ZC3H18: variants seen among roughly 807,000 people sequenced by gnomAD.
ZC3H18 encodes the protein zinc finger CCCH domain-containing protein 18.
In ZC3H18, 8 loss-of-function variants were observed where a neutral mutation model predicts 106.1. That is an observed-to-expected ratio of 0.08 (90% CI 0.04 to 0.14). The LOEUF (loss-of-function observed/expected upper bound fraction) is 0.14. Ranked by LOEUF, ZC3H18 falls within the 10% of genes least tolerant of loss-of-function variation. The pLI is 1.00. For synonymous variants in ZC3H18, 635 were observed against 522.1 expected, an observed-to-expected ratio of 1.22 and a Z score of -2.95; for missense variants, 1,318 against 1,278.4, an observed-to-expected ratio of 1.03 and a Z score of -0.47.
At position 88,598,146 on chromosome 16, in the gene ZC3H18, G is replaced by A. The variant is rs754852885; in HGVS notation, c.689-32G>A. 5.7e-5 allele frequency: 89 copies of A among 1,550,462 alleles called. 1 individual carries two copies. The highest frequency in any genetic ancestry group is 7.4e-5 in the Non-Finnish European group (85 of 1,153,156). Reference sequence around the variant, plus strand: ...GCCCTTGTGCAATTAGGCTCTTGTGGACCCTTTCTGATCTCACTTTTGTTT... The same window carrying A: ...GCCCTTGTGCAATTAGGCTCTTGTGAACCCTTTCTGATCTCACTTTTGTTT... On this transcript the variant is annotated intron_variant, in intron 3 of 17. Coordinates refer to ENST00000301011, the MANE Select transcript of ZC3H18 (RefSeq NM_144604.4).
Position 88,627,405 on chromosome 16 carries a change from A to T in ZC3H18, c.2109-217A>T. The T allele has an allele frequency of 1.9e-6, 1 of 529,848 alleles. No homozygotes were observed. The highest frequency in any genetic ancestry group is 3.1e-5 in the South Asian group (1 of 32,768). 32.8% of individuals were successfully genotyped at this position (529,848 alleles called of 1,614,324 possible). ...GGCGTGAGCAGCCGTGCCTGGCTGCAACCTGACATTGATTAGTGAAATGGG... is the reference window on the plus strand; with the variant it reads ...GGCGTGAGCAGCCGTGCCTGGCTGCTACCTGACATTGATTAGTGAAATGGG... On this transcript the variant is annotated intron_variant, in intron 13 of 17. Coordinates refer to ENST00000301011, the MANE Select transcript of ZC3H18 (RefSeq NM_144604.4). The surrounding 1 kb of genome is among the most constrained non-coding windows in gnomAD (Gnocchi z 4.5).
chr16:88,584,068 GTTTA>G lies in ZC3H18; in HGVS notation c.604-2524_604-2521del, dbSNP rs937768262. Among the ~76,000 whole-genome samples, 8 of 152,262 alleles carry G rather than the reference GTTTA, an allele frequency of 5.3e-5. No homozygotes were observed. In the South Asian group the frequency reaches 1.0e-3, roughly 20 times the overall value. ...TTAATTATCCATTATTTAGTGATTT[GTTTA>G]TTTATTTTGGGAGGTTAAATATTTT... On this transcript the variant is annotated intron_variant, in intron 2 of 17. Transcript: ENST00000301011.
chr16:88,605,874 C>T (rs1904987426), intron 6 of ZC3H18, among the ~76,000 whole-genome samples: 1 of 152,244 alleles, frequency 6.6e-6, no homozygotes, highest in South Asian at 2.1e-4. Flanking sequence ...TCCAATGGTT[C>T]CCCTTAGCCA....
intron 3 of ZC3H18, among the ~76,000 whole-genome samples, chr16:88,592,778 G>T (rs774116751): frequency 1.3e-5 from 2 of 152,310 alleles, no homozygotes; most frequent in South Asian, 4.1e-4. Context: ...GCTGAGCCAG[G>T]CATTCACCAT....
chr16:88,581,013 G>A (rs1008548855), intron 2 of ZC3H18, among the ~76,000 whole-genome samples: 5 of 152,142 alleles, frequency 3.3e-5, no homozygotes, highest in South Asian at 4.1e-4. Flanking sequence ...GGACTGATTC[G>A]CCTAGAGGCT....
In ZC3H18 at chr16:88,623,937, CA is replaced by C; in HGVS notation, c.1794-20del. On this transcript the variant is annotated intron_variant, in intron 10 of 17. Transcript: ENST00000301011. ...AGAAACACCCCCAGGCCCCTTCCGACACCTTTGTTCACTCCCCTAGGTCCCG... is the reference window on the plus strand; with the variant it reads ...AGAAACACCCCCAGGCCCCTTCCGACCCTTTGTTCACTCCCCTAGGTCCCG... The C allele has an allele frequency of 6.3e-7, 1 of 1,595,308 alleles. No individual in the cohort carries two copies. The highest frequency in any genetic ancestry group is 1.3e-5 in the African/African-American group (1 of 74,502).
In ZC3H18 at chr16:88,631,440, A is replaced by C. The variant is rs1906685496; in HGVS notation, c.*141A>C. On this transcript the variant is annotated 3_prime_UTR_variant, in exon 18 of 18. Coordinates refer to ENST00000301011, the MANE Select transcript of ZC3H18 (RefSeq NM_144604.4). ...AAAAAAGTTTCTCAGCTGGAAAAGA[A>C]GCCACACAGGAAATGACAACGACGC... 1 of 1,199,512 alleles carries C rather than the reference A, an allele frequency of 8.3e-7. No individual in the cohort carries two copies. The highest frequency in any genetic ancestry group is 1.4e-5 in the South Asian group (1 of 71,246). 74.3% of individuals were successfully genotyped at this position (1,199,512 alleles called of 1,614,324 possible).
At chr16:88,591,883 G>C (rs905693389) in intron 3 of ZC3H18, among the ~76,000 whole-genome samples, 1 of 152,238 alleles carries the variant, frequency 6.6e-6, no homozygotes, top group African/African-American at 2.4e-5. Context: ...TGGAGTTGCT[G>C]ATGACCTGGT....
At chr16:88,624,464 G>C in intron 11 of ZC3H18, 138 bp from the exon 12 acceptor site, 1 of 1,353,678 alleles carries the variant, frequency 7.4e-7, no homozygotes, top group Non-Finnish European at 1.0e-6. Flanking sequence ...GGGGAGCCGT[G>C]TCCAGGCACG....
chr16:88,581,989 T>C (rs923951886), intron 2 of ZC3H18, among the ~76,000 whole-genome samples: 1 of 152,188 alleles, frequency 6.6e-6, no homozygotes, highest in African/African-American at 2.4e-5. Flanking sequence ...ACACTGGCCC[T>C]TGGAAAGGAT....
In ZC3H18 at chr16:88,598,467, G is replaced by C. The variant is rs1904567267; in HGVS notation, c.837+141G>C. On this transcript the variant is annotated intron_variant, in intron 4 of 17. Coordinates refer to ENST00000301011, the MANE Select transcript of ZC3H18 (RefSeq NM_144604.4). ...GCTTCTGTCGTCCCGAGTGGAAGCA[G>C]GCCTCGGCTTTCCGAGGACGGAGTG... is the stretch of plus-strand genomic sequence containing the variant. The C allele has an allele frequency of 1.0e-5, 15 of 1,477,714 alleles. No individual in the cohort carries two copies. The South Asian group carries it at 1.9e-4, about 19-fold the overall frequency. 91.5% of individuals were successfully genotyped at this position (1,477,714 alleles called of 1,614,324 possible). A position where few individuals can be genotyped will look rare whatever the true frequency, so the allele number is the denominator to read the frequency against.
chr16:88,571,732 G>A (rs1224553423), intron 1 of ZC3H18: 2 of 965,432 alleles, frequency 2.1e-6, no homozygotes, highest in Non-Finnish European at 2.5e-6. Context: ...CACAGCTACA[G>A]AGCATCTCAA....
chr16:88,579,533 C>G (rs904496967), intron 2 of ZC3H18, among the ~76,000 whole-genome samples: 1 of 152,154 alleles, frequency 6.6e-6, no homozygotes. Flanking sequence ...TTCTCAGTGC[C>G]GCACCATGGG....
Position 88,586,713 on chromosome 16 carries a change from C to G in ZC3H18, c.688+29C>G, listed in dbSNP as rs536649646. 2.4e-4 allele frequency: 378 copies of G among 1,603,458 alleles called. 2 individuals are homozygous for G. The East Asian group carries it at 2.6e-3, about 11-fold the overall frequency. On this transcript the variant is annotated intron_variant, in intron 3 of 17. Coordinates refer to ENST00000301011, the MANE Select transcript of ZC3H18 (RefSeq NM_144604.4). ...ATTGTCTGCGTGTGAGGCCTTCTCG[C>G]AGCCAGCTGGGGCCCCACCTTCTGG... is the stretch of plus-strand genomic sequence containing the variant.
intron 3 of ZC3H18, among the ~76,000 whole-genome samples, chr16:88,597,506 G>C (rs1904501536): frequency 1.3e-5 from 2 of 152,172 alleles, no homozygotes; most frequent in African/African-American, 4.8e-5. Context: ...TTTTAAAAAA[G>C]TGATTCACTC....
At chr16:88,622,099 C>G (rs983906965) in intron 8 of ZC3H18, 98 bp from the exon 9 acceptor site, 1 of 1,371,568 alleles carries the variant, frequency 7.3e-7, no homozygotes, top group East Asian at 2.4e-5. Context: ...TTAAATAAGC[C>G]AGGTATGAGA....
chr16:88,601,666 A>G (rs1046993009), intron 6 of ZC3H18, among the ~76,000 whole-genome samples: 1 of 152,072 alleles, frequency 6.6e-6, no homozygotes, highest in African/African-American at 2.4e-5. Context: ...CCCAAATGTT[A>G]AAGTCTCGGC....
chr16:88,617,850 A>G (rs1259541664), intron 8 of ZC3H18, among the ~76,000 whole-genome samples: 1 of 152,230 alleles, frequency 6.6e-6, no homozygotes, highest in Non-Finnish European at 1.5e-5. Flanking sequence ...CTTCATGCTC[A>G]GTTTTTTGGG....
Position 88,631,469 on chromosome 16 carries a change from A to G in ZC3H18, c.*170A>G. ...ACACAGGAAATGACAACGACGCTGA[A>G]TCCCAGCCTCCCTCCCCAGAGCAGA... is the stretch of plus-strand genomic sequence containing the variant. On this transcript the variant is annotated 3_prime_UTR_variant, in exon 18 of 18. Transcript: ENST00000301011. The G allele has an allele frequency of 2.2e-6, 2 of 892,520 alleles. No homozygotes were observed. The highest frequency in any genetic ancestry group is 3.4e-6 in the Non-Finnish European group (2 of 581,106). The allele number at this position is 892,520 out of a possible 1,614,324, so 55.3% of individuals were successfully genotyped here.
Sources: gnomAD v4.1 joint callset for allele counts (sites outside exome capture counted in the v4.1 genomes callset) on GRCh38, gnomAD v4.1.1 for gene constraint, Gnocchi (gnomAD v3.1) non-coding constraint, MANE v1.5 for transcripts, NCBI Gene and HGNC (gene_info 2026-07-23, HGNC 2026-07-21) for gene names.